GLI2: variants seen among roughly 807,000 people sequenced by gnomAD.
GLI2 encodes the protein GLI family zinc finger 2.
A neutral mutation model predicts 78.9 loss-of-function variants in GLI2; 22 were observed. The observed-to-expected ratio is 0.28, with a 90% CI of 0.20 to 0.40. The LOEUF is 0.40. Among genes scored for constraint, GLI2 ranks in the 10% least tolerant of loss-of-function variants. GLI2 has a pLI of 1.00. For missense variants in GLI2, 2,097 were observed against 2,213.2 expected, an observed-to-expected ratio of 0.95 and a Z score of 1.05; for synonymous variants, 974 against 963.7, an observed-to-expected ratio of 1.01 and a Z score of -0.20.
chr2:120,855,934 T>C (rs55706422), intron 2 of GLI2, among the ~76,000 whole-genome samples: 62,937 of 152,004 alleles, frequency 0.41, 13,587 homozygotes, highest in East Asian at 0.65. Flanking sequence ...GAAAATCAGT[T>C]ACCCTATTTA....
chr2:120,864,042 C>T (rs1157067609), intron 2 of GLI2, among the ~76,000 whole-genome samples: 3 of 152,200 alleles, frequency 2.0e-5, no homozygotes, highest in African/African-American at 7.2e-5. Flanking sequence ...AGTCACTGGA[C>T]TTAGAGGTTA....
rs149017584 is a variant in GLI2, at chr2:120,929,016, TCTC to T, written c.254+1553_254+1555del. 2.5e-3 allele frequency among the ~76,000 whole-genome samples: 384 copies of T among 152,320 alleles called. 4 individuals carry two copies. The highest frequency in any genetic ancestry group is 8.6e-3 in the African/African-American group (356 of 41,574). ...CTTGGTTGCCGAGACTCCTTCGTCA[TCTC>T]CTGTCTGGGACGGTTCCTTAGTCTC... On this transcript the variant is annotated intron_variant, in intron 3 of 13. Transcript: ENST00000361492.
chr2:120,902,681 G>T (rs776187), intron 2 of GLI2, among the ~76,000 whole-genome samples: 9,745 of 152,216 alleles, frequency 0.064, 489 homozygotes, highest in African/African-American at 0.14. Flanking sequence ...GCTGCCCCTC[G>T]CCGGGTCCCT....
intron 1 of GLI2, among the ~76,000 whole-genome samples, chr2:120,771,249 C>T (rs549078428): frequency 6.6e-6 from 1 of 152,306 alleles, no homozygotes; most frequent in African/African-American, 2.4e-5. Context: ...GTCGCTCAGC[C>T]CATTGGCAGG....
intron 1 of GLI2, among the ~76,000 whole-genome samples, chr2:120,763,254 T>C (rs997646017): frequency 3.9e-5 from 6 of 152,232 alleles, no homozygotes; most frequent in Non-Finnish European, 8.8e-5. Context: ...CAGATCTGTG[T>C]GTTTTCTTGA....
At chr2:120,910,377 C>T (rs1678756232) in intron 2 of GLI2, among the ~76,000 whole-genome samples, 1 of 152,168 alleles carries the variant, frequency 6.6e-6, no homozygotes, top group African/African-American at 2.4e-5. Flanking sequence ...TCACAGACAT[C>T]CATCACCCCA....
Position 120,988,810 on chromosome 2 carries a change from GC to G in GLI2, c.2847del (p.Arg950GlyfsTer27). On this transcript the variant is annotated frameshift_variant, in exon 14 of 14. Transcript: ENST00000361492. LOFTEE classifies it low-confidence loss of function (END_TRUNC). ...CCCCCACGAGGCTCCAGGCGGCGGA[GC>G]CAGGCGGGCCAGCGACCCTGTGCGG... The part of the protein sequence containing the change: ...AFPHEAPGGG[A>X]RRASDPVRRP... 7.1e-7 allele frequency: 1 copy of G among 1,416,044 alleles called. No homozygotes were observed. Among genetic ancestry groups the G allele is most frequent in the Non-Finnish European group, 9.2e-7 (1 of 1,085,020 alleles). The allele number at this position is 1,416,044 out of a possible 1,614,324, so 87.7% of individuals were successfully genotyped here.
chr2:120,785,133 C>G (rs571649481), intron 1 of GLI2, among the ~76,000 whole-genome samples: 1 of 152,178 alleles, frequency 6.6e-6, no homozygotes, highest in South Asian at 2.1e-4. Flanking sequence ...GTCCCAGACA[C>G]CTGGCCTGGG....
chr2:120,919,772 C>T (rs1036917492), intron 2 of GLI2, among the ~76,000 whole-genome samples: 2 of 152,280 alleles, frequency 1.3e-5, no homozygotes, highest in Non-Finnish European at 2.9e-5. Flanking sequence ...AACCAAAGGC[C>T]TCATGCGCCC....
intron 2 of GLI2, among the ~76,000 whole-genome samples, chr2:120,822,319 C>T (rs938702038): frequency 6.6e-6 from 1 of 152,230 alleles, no homozygotes; most frequent in Non-Finnish European, 1.5e-5. Flanking sequence ...TAGTGCCCTG[C>T]ACAGCGGGTC....
intron 3 of GLI2, 108 bp downstream of exon 3, chr2:120,927,574 T>TTCAG: frequency 1.2e-6 from 1 of 802,056 alleles, no homozygotes; most frequent in Non-Finnish European, 2.2e-6. Flanking sequence ...CTTTTGGGGG[T>TTCAG]TCCTGATCTA....
At chr2:120,874,411 A>G (rs189654721) in intron 2 of GLI2, among the ~76,000 whole-genome samples, 1 of 152,346 alleles carries the variant, frequency 6.6e-6, no homozygotes, top group Admixed American at 6.5e-5. Flanking sequence ...GAAACACTGA[A>G]AGTTGTCACA....
chr2:120,862,302 G>A (rs2104644449), intron 2 of GLI2, among the ~76,000 whole-genome samples: 1 of 152,330 alleles, frequency 6.6e-6, no homozygotes, highest in East Asian at 1.9e-4. Context: ...TGCCTACACA[G>A]GAAATGCCTC....
intron 2 of GLI2, among the ~76,000 whole-genome samples, chr2:120,859,751 G>A (rs549953769): frequency 5.3e-5 from 8 of 151,414 alleles, no homozygotes; most frequent in South Asian, 2.1e-4. Context: ...CATCGGGCCC[G>A]GCCTTTTTTT....
chr2:120,898,773 G>C (rs1573561970), intron 2 of GLI2, among the ~76,000 whole-genome samples: 3 of 152,212 alleles, frequency 2.0e-5, no homozygotes, highest in Admixed American at 2.0e-4. Flanking sequence ...AAATAGATGA[G>C]GAAACTGCAG....
intron 2 of GLI2, among the ~76,000 whole-genome samples, chr2:120,834,248 G>A (rs962744185): frequency 1.3e-5 from 2 of 152,212 alleles, no homozygotes; most frequent in African/African-American, 4.8e-5. Context: ...ACTTGGGGAA[G>A]CATCAGGGTC....
At chr2:120,893,857 G>C (rs1677802828) in intron 2 of GLI2, among the ~76,000 whole-genome samples, 1 of 152,148 alleles carries the variant, frequency 6.6e-6, no homozygotes, top group Non-Finnish European at 1.5e-5. Context: ...TTGTGGACCT[G>C]GTCTGGGGGA....
chr2:120,798,083 C>T (rs1684493155), intron 2 of GLI2, among the ~76,000 whole-genome samples: 1 of 152,152 alleles, frequency 6.6e-6, no homozygotes, highest in African/African-American at 2.4e-5. Context: ...TCCGCTGTGT[C>T]TGCACAGTCC....
intron 3 of GLI2, among the ~76,000 whole-genome samples, chr2:120,949,908 T>C (rs1446257356): frequency 2.0e-5 from 3 of 152,206 alleles, no homozygotes; most frequent in African/African-American, 4.8e-5. Flanking sequence ...ATCTCTGGTT[T>C]GCTCAGCCAA....
Sources: allele counts gnomAD v4.1 joint callset (sites outside exome capture counted in the v4.1 genomes callset), GRCh38; gene constraint gnomAD v4.1.1; transcripts MANE v1.5; gene names NCBI Gene and HGNC (gene_info 2026-07-23, HGNC 2026-07-21).